Variants in MAGI2 observed in about 807,000 individuals in gnomAD.
MAGI2 encodes the protein membrane associated guanylate kinase, WW and PDZ domain containing 2, also known as membrane-associated guanylate kinase, WW and PDZ domain-containing protein 2.
In MAGI2, 35 loss-of-function variants were observed where a neutral mutation model predicts 133.3. The ratio of observed to expected loss-of-function variants is 0.26; its 90% CI spans 0.20 to 0.35. MAGI2 has a LOEUF of 0.35. MAGI2 is among the 10% of genes least tolerant of loss of function. MAGI2 has a pLI of 1.00. For synonymous variants in MAGI2, 729 were observed against 710.6 expected (o/e 1.03, Z -0.41); for missense variants, 1,636 against 1,863.4 (o/e 0.88, Z 2.25).
chr7:78,377,832 A>G (rs963698046), intron 6 of MAGI2, among the ~76,000 whole-genome samples: 2 of 150,944 alleles, frequency 1.3e-5, no homozygotes, highest in Non-Finnish European at 3.0e-5. Flanking sequence ...AAACTAAACA[A>G]AAAAAAAGAG....
At position 78,945,520 on chromosome 7, in the gene MAGI2, A is replaced by G. The variant is rs534439107; in HGVS notation, c.418+61570T>C. Among the ~76,000 whole-genome samples the G allele has an allele frequency of 8.5e-5, 13 of 152,066 alleles. No homozygotes were observed. The South Asian group carries it at 2.3e-3, about 27-fold the overall frequency. ...CTTGTGGTAAGAACAAATAACATCC[A>G]CTCTTTACATTTTCAAGAATACAAT... On this transcript the variant is annotated intron_variant, in intron 2 of 21. Coordinates refer to ENST00000354212, the MANE Select transcript of MAGI2 (RefSeq NM_012301.4).
At chr7:79,446,554 T>C (rs1053762122) in intron 1 of MAGI2, among the ~76,000 whole-genome samples, 5 of 152,100 alleles carry the variant, frequency 3.3e-5, no homozygotes, top group African/African-American at 1.2e-4. Context: ...ATGGAGAAAT[T>C]ATTTCCCCAG....
intron 16 of MAGI2, among the ~76,000 whole-genome samples, chr7:78,139,268 A>G (rs1229965072): frequency 1.3e-5 from 2 of 152,222 alleles, no homozygotes; most frequent in African/African-American, 4.8e-5. Flanking sequence ...CTTTAATAAA[A>G]GCAGTACTTG....
chr7:78,983,512 C>T (rs1254913868), intron 2 of MAGI2, among the ~76,000 whole-genome samples: 1 of 151,778 alleles, frequency 6.6e-6, no homozygotes, highest in Admixed American at 6.6e-5. Flanking sequence ...AGGACAGTGT[C>T]AAAGGATAGG....
intron 1 of MAGI2, among the ~76,000 whole-genome samples, chr7:79,338,186 T>C (rs910802890): frequency 7.9e-5 from 12 of 152,184 alleles, no homozygotes; most frequent in African/African-American, 2.9e-4. Context: ...GCAGTGAGAC[T>C]AAGGGTGAGG....
At chr7:78,836,348 A>G (rs939730533) in intron 2 of MAGI2, among the ~76,000 whole-genome samples, 1 of 152,212 alleles carries the variant, frequency 6.6e-6, no homozygotes, top group African/African-American at 2.4e-5. Flanking sequence ...AACAGACTGC[A>G]TATGCATTAT....
chr7:79,163,804 T>G (rs1015543454), intron 1 of MAGI2, among the ~76,000 whole-genome samples: 1 of 152,050 alleles, frequency 6.6e-6, no homozygotes, highest in Admixed American at 6.6e-5. Context: ...TGATATTTGT[T>G]ACTATATTAG....
intron 2 of MAGI2, among the ~76,000 whole-genome samples, chr7:78,668,376 G>C (rs1585029252): frequency 6.6e-6 from 1 of 150,964 alleles, no homozygotes; most frequent in Admixed American, 6.6e-5. Context: ...TTCTTTTGCT[G>C]TGCAGAAGCT....
chr7:78,354,114 G>A (rs1791816055), intron 7 of MAGI2, among the ~76,000 whole-genome samples: 1 of 152,124 alleles, frequency 6.6e-6, no homozygotes, highest in South Asian at 2.1e-4. Context: ...CAGTGTCCTA[G>A]GTATTGTTTT....
At chr7:79,321,405 A>C (rs1338776588) in intron 1 of MAGI2, among the ~76,000 whole-genome samples, 1 of 152,278 alleles carries the variant, frequency 6.6e-6, no homozygotes. Flanking sequence ...GTTCCTTAAA[A>C]GTAAAAGATG....
At chr7:78,681,544 C>A (rs1351477511) in intron 2 of MAGI2, among the ~76,000 whole-genome samples, 1 of 152,094 alleles carries the variant, frequency 6.6e-6, no homozygotes, top group African/African-American at 2.4e-5. Flanking sequence ...CAGATTAGAA[C>A]CAATAGAACC....
At chr7:79,068,113 G>C (rs1814558182) in intron 1 of MAGI2, among the ~76,000 whole-genome samples, 1 of 152,126 alleles carries the variant, frequency 6.6e-6, no homozygotes, top group African/African-American at 2.4e-5. Context: ...GATGATGCTG[G>C]CCTCATAAAA....
chr7:79,136,113 G>A (rs560067159), intron 1 of MAGI2, among the ~76,000 whole-genome samples: 1 of 149,954 alleles, frequency 6.7e-6, no homozygotes, highest in Admixed American at 6.6e-5. Context: ...AAGAAAGAAA[G>A]AAAGAAAGAA....
At chr7:79,370,462 A>C (rs1842979831) in intron 1 of MAGI2, among the ~76,000 whole-genome samples, 1 of 152,056 alleles carries the variant, frequency 6.6e-6, no homozygotes, top group Non-Finnish European at 1.5e-5. Context: ...TGCATGTCTT[A>C]CTCATTTTGA....
Position 78,206,289 on chromosome 7 carries a change from CCTTT to C in MAGI2, c.2048-5100_2048-5097del, listed in dbSNP as rs200881535. 5.0e-3 allele frequency among the ~76,000 whole-genome samples: 626 copies of C among 124,502 alleles called. 12 individuals are homozygous for C. Among genetic ancestry groups the C allele is most frequent in the African/African-American group, 0.016 (528 of 33,270 alleles). 81.7% of individuals were successfully genotyped at this position (124,502 alleles called of 152,430 possible). ...CAAGACAACTTTTCTTTTTCCTTTT[CCTTT>C]CTTTTTTTTTTTTTTTGAGATGGAG... On this transcript the variant is annotated intron_variant, in intron 10 of 21. Transcript: ENST00000354212.
intron 10 of MAGI2, among the ~76,000 whole-genome samples, chr7:78,219,828 A>G (rs943083886): frequency 1.9e-4 from 29 of 152,152 alleles, no homozygotes; most frequent in African/African-American, 7.0e-4. Flanking sequence ...GCTTCCTACT[A>G]TTTGATTCAG....
intron 1 of MAGI2, among the ~76,000 whole-genome samples, chr7:79,018,975 A>T (rs1809018206): frequency 1.3e-5 from 2 of 152,224 alleles, no homozygotes; most frequent in Non-Finnish European, 2.9e-5. Flanking sequence ...AGTATTAGAC[A>T]GATCATTGAG....
intron 1 of MAGI2, among the ~76,000 whole-genome samples, chr7:79,239,786 C>T (rs760368148): frequency 6.6e-6 from 1 of 152,184 alleles, no homozygotes; most frequent in Non-Finnish European, 1.5e-5. Context: ...TGCCACATTA[C>T]CCACAAAATG....
intron 9 of MAGI2, chr7:78,285,581 A>G: frequency 6.6e-6 from 1 of 152,188 alleles, no homozygotes; most frequent in East Asian, 1.9e-4. Flanking sequence ...TGGGGAAACT[A>G]AAGCCCGAAA....
Sources: allele counts gnomAD v4.1 joint callset (sites outside exome capture counted in the v4.1 genomes callset), GRCh38; gene constraint gnomAD v4.1.1; transcripts MANE v1.5; gene names NCBI Gene and HGNC (gene_info 2026-07-23, HGNC 2026-07-21).